The following ABCB4 variants were observed in gnomAD, a reference collection of about 807,000 sequenced individuals.
ABCB4 encodes phosphatidylcholine translocator ABCB4.
A neutral mutation model predicts 145.7 loss-of-function variants in ABCB4; 76 were observed. That is an observed-to-expected ratio of 0.52 (90% CI 0.43 to 0.63). The LOEUF (loss-of-function observed/expected upper bound fraction) is 0.63. Among genes scored for constraint, ABCB4 ranks in the 30% least tolerant of loss-of-function variants. ABCB4 has a pLI of 0.00. For missense variants in ABCB4, 1,234 were observed against 1,553.1 expected (o/e 0.79, Z 3.45); for synonymous variants, 517 against 566.8 (o/e 0.91, Z 1.25).
chr7:87,428,808 T>C (rs1181146075), intron 15 of ABCB4, among the ~76,000 whole-genome samples: 2 of 152,224 alleles, frequency 1.3e-5, no homozygotes, highest in Non-Finnish European at 2.9e-5. Context: ...TTTAACTCTT[T>C]AGGCTGGCAA....
intron 3 of ABCB4, among the ~76,000 whole-genome samples, chr7:87,469,229 T>C (rs562874171): frequency 4.1e-4 from 63 of 152,262 alleles, no homozygotes; most frequent in Non-Finnish European, 7.1e-4. Context: ...TATCTAAACA[T>C]AATAAGAGCT....
chr7:87,403,763 G>A (rs45540833), intron 26 of ABCB4, among the ~76,000 whole-genome samples: 3 of 152,102 alleles, frequency 2.0e-5, no homozygotes, highest in East Asian at 1.9e-4. Flanking sequence ...TGTGGTATAC[G>A]CAGTCTGTCA....
At chr7:87,468,498 A>G (rs1258743611) in intron 3 of ABCB4, among the ~76,000 whole-genome samples, 1 of 152,212 alleles carries the variant, frequency 6.6e-6, no homozygotes, top group African/African-American at 2.4e-5. Context: ...TATTCCAATC[A>G]ATAGAAAAAG....
At chr7:87,458,806 CA>C (rs1462815577) in intron 4 of ABCB4, among the ~76,000 whole-genome samples, 1 of 152,062 alleles carries the variant, frequency 6.6e-6, no homozygotes, top group Non-Finnish European at 1.5e-5. Context: ...AGCATCATAA[CA>C]GGAGTGTTTA....
the ABCB4 span, chr7:87,391,705 C>T: frequency 5.7e-5 from 92 of 1,606,716 alleles, no homozygotes; most frequent in African/African-American, 1.1e-3. Context: ...CAGGATCCTT[C>T]TGTCAATGTG....
At chr7:87,424,073 G>A (rs775535995) in intron 16 of ABCB4, 21 bp from the exon 17 acceptor site, 1 of 1,613,756 alleles carries the variant, frequency 6.2e-7, no homozygotes, top group Non-Finnish European at 8.5e-7. Context: ...TAAACATCAG[G>A]GCAAACTGGT....
chr7:87,464,723 A>T (rs1318825506), intron 3 of ABCB4, among the ~76,000 whole-genome samples: 1 of 152,210 alleles, frequency 6.6e-6, no homozygotes, highest in Admixed American at 6.5e-5. Context: ...GACAAAAAAT[A>T]TCTATTAAGA....
chr7:87,406,196 T>C (rs1808170589), intron 26 of ABCB4, 92 bp downstream of exon 26: 1 of 1,325,526 alleles, frequency 7.5e-7, no homozygotes, highest in Non-Finnish European at 1.1e-6. Context: ...TAAATCAACA[T>C]ATTTTGTTAC....
rs1410521201 is a variant in ABCB4, at chr7:87,408,176, G to T, written c.3140C>A (p.Ala1047Glu). Residue 1047 changes from alanine to glutamate, a missense_variant, in exon 25 of 28, where the codon GCA becomes GAA. By Grantham distance (107) the Ala-to-Glu change is moderately radical. Around this residue, in one of 7 missense-constraint regions of ABCB4, gnomAD observed 301 missense variants for 389.0 expected, o/e 0.77. Coordinates refer to ENST00000649586, the MANE Select transcript of ABCB4 (RefSeq NM_000443.4). ...CAGCCCCTGAAGCACTGGCACGTTT[G>T]CTCGGGTGGGATAGTTGAACACGAC... is the stretch of plus-strand genomic sequence containing the variant. ...NEVVFNYPTR[A>E]NVPVLQGLSL... The T allele has an allele frequency of 1.2e-6, 2 of 1,614,196 alleles. No homozygotes were observed. The highest frequency in any genetic ancestry group is 8.5e-7 in the Non-Finnish European group (1 of 1,180,022).
chr7:87,381,929 T>C, the ABCB4 span: 1 of 1,609,212 alleles, frequency 6.2e-7, no homozygotes. Flanking sequence ...TTTGATGCAA[T>C]GATTATGGTG....
At chr7:87,464,494 T>C (rs779389519) in intron 3 of ABCB4, among the ~76,000 whole-genome samples, 7 of 152,212 alleles carry the variant, frequency 4.6e-5, no homozygotes, top group Non-Finnish European at 7.3e-5. Flanking sequence ...CTGTCAGCTA[T>C]AGTTAAAAGC....
intron 3 of ABCB4, among the ~76,000 whole-genome samples, chr7:87,465,515 A>T (rs1387937740): frequency 6.6e-6 from 1 of 152,114 alleles, no homozygotes; most frequent in East Asian, 1.9e-4. Context: ...ACCTCTGCAG[A>T]CTTAAATGTC....
At chr7:87,429,493 A>C (rs750499377) in intron 15 of ABCB4, among the ~76,000 whole-genome samples, 1 of 152,196 alleles carries the variant, frequency 6.6e-6, no homozygotes, top group Non-Finnish European at 1.5e-5. Context: ...AGCTGTCTGC[A>C]TCTCTTTAGC....
In ABCB4 at chr7:87,415,497, T is replaced by G. The variant is rs564514272; in HGVS notation, c.2683-1780A>C. Reference sequence around the variant, plus strand: ...TTTAAAATCTTTCATATTTCATATTTAATCTTTCATATTTCATAACCCTAT... The same window carrying G: ...TTTAAAATCTTTCATATTTCATATTGAATCTTTCATATTTCATAACCCTAT... On this transcript the variant is annotated intron_variant, in intron 21 of 27. Transcript: ENST00000649586. 2.0e-5 allele frequency among the ~76,000 whole-genome samples: 3 copies of G among 152,316 alleles called. No homozygotes were observed. The East Asian group carries it at 5.8e-4, about 29-fold the overall frequency.
At chr7:87,452,594 T>A (rs980953058) in intron 6 of ABCB4, 1 of 334,092 alleles carries the variant, frequency 3.0e-6, no homozygotes, top group African/African-American at 2.1e-5. Flanking sequence ...AGTTGACAAT[T>A]ACTAAAGCAA....
At chr7:87,376,480 G>A in the ABCB4 span, among the ~76,000 whole-genome samples, 1 of 152,058 alleles carries the variant, frequency 6.6e-6, no homozygotes, top group Non-Finnish European at 1.5e-5. Flanking sequence ...CCCCCAGGGT[G>A]ACATTTGTGT....
chr7:87,371,421 G>A, the ABCB4 span, among the ~76,000 whole-genome samples: 1 of 152,124 alleles, frequency 6.6e-6, no homozygotes, highest in Non-Finnish European at 1.5e-5. Context: ...TATTATAGTT[G>A]ATGTGACCAT....
At chr7:87,472,521 G>A (rs895332548) in intron 3 of ABCB4, 100 bp downstream of exon 3, 1 of 1,099,664 alleles carries the variant, frequency 9.1e-7, no homozygotes, top group African/African-American at 1.6e-5. Flanking sequence ...AGCTCGCCTA[G>A]CTAGACAATC....
intron 22 of ABCB4, among the ~76,000 whole-genome samples, chr7:87,412,496 AAGTTTACAT>A (rs1212363896): frequency 5.9e-5 from 9 of 152,288 alleles, no homozygotes; most frequent in Non-Finnish European, 1.2e-4. Context: ...TGAGTCCCTG[AAGTTTACAT>A]AGATATACAC....
Sources: gnomAD v4.1 joint callset for allele counts (sites outside exome capture counted in the v4.1 genomes callset) on GRCh38, gnomAD v4.1.1 for gene constraint, gnomAD v4.1.1 regional missense constraint, MANE v1.5 for transcripts, NCBI Gene and HGNC (gene_info 2026-07-23, HGNC 2026-07-21) for gene names.